MCTP1: variants seen among roughly 807,000 people sequenced by gnomAD.
The protein encoded by MCTP1 is multiple C2 and transmembrane domain-containing protein 1.
MCTP1 carries 69 observed loss-of-function variants against 120.6 expected under a neutral mutation model. The ratio of observed to expected loss-of-function variants is 0.57; its 90% CI spans 0.47 to 0.70. The LOEUF (loss-of-function observed/expected upper bound fraction) is 0.70, where lower values mean the gene tolerates loss of function less well. Among genes scored for constraint, MCTP1 ranks in the 30% least tolerant of loss-of-function variants. The probability of loss-of-function intolerance (pLI) is 0.00; values close to 1 mark genes in which losing one functional copy is unlikely to be tolerated. For missense variants in MCTP1, 1,203 were observed against 1,248.8 expected, an observed-to-expected ratio of 0.96 and a Z score of 0.55; for synonymous variants, 529 against 493.1, an observed-to-expected ratio of 1.07 and a Z score of -0.96.
intron 1 of MCTP1, among the ~76,000 whole-genome samples, chr5:95,264,553 C>T (rs1332533943): frequency 2.6e-5 from 4 of 152,204 alleles, no homozygotes; most frequent in African/African-American, 9.7e-5. Context: ...CACGCGGGCA[C>T]TGGAAATATC....
At chr5:95,100,716 A>C (rs1159176100) in intron 1 of MCTP1, among the ~76,000 whole-genome samples, 1 of 152,166 alleles carries the variant, frequency 6.6e-6, no homozygotes, top group Non-Finnish European at 1.5e-5. Context: ...GCACCCCTTA[A>C]CTAGTGATGT....
At chr5:94,816,840 T>C (rs563912016) in intron 17 of MCTP1, among the ~76,000 whole-genome samples, 28 of 152,304 alleles carry the variant, frequency 1.8e-4, no homozygotes, top group African/African-American at 6.5e-4. Flanking sequence ...ATATAAAGAT[T>C]ATTGAATATA....
chr5:95,035,594 G>A (rs1841141451), intron 1 of MCTP1, among the ~76,000 whole-genome samples: 1 of 151,836 alleles, frequency 6.6e-6, no homozygotes, highest in Admixed American at 6.6e-5. Flanking sequence ...GAGGAGTGAG[G>A]GCTGAAAAAC....
At chr5:95,055,558 G>GT (rs1396906358) in intron 1 of MCTP1, among the ~76,000 whole-genome samples, 2 of 152,174 alleles carry the variant, frequency 1.3e-5, no homozygotes, top group African/African-American at 4.8e-5. Flanking sequence ...CCAAGCCCAC[G>GT]TAATTAGTAA....
At chr5:95,146,990 G>A (rs1258358911) in intron 1 of MCTP1, among the ~76,000 whole-genome samples, 1 of 152,178 alleles carries the variant, frequency 6.6e-6, no homozygotes, top group Non-Finnish European at 1.5e-5. Context: ...TCCCCCACTA[G>A]TATTGTGTGG....
intron 1 of MCTP1, among the ~76,000 whole-genome samples, chr5:95,134,504 A>G (rs1759288418): frequency 6.6e-6 from 1 of 152,112 alleles, no homozygotes; most frequent in African/African-American, 2.4e-5. Flanking sequence ...TGATTCAGTC[A>G]CTCGTGCAGC....
intron 1 of MCTP1, among the ~76,000 whole-genome samples, chr5:95,172,877 A>T (rs992707089): frequency 7.2e-5 from 11 of 152,206 alleles, no homozygotes; most frequent in African/African-American, 2.7e-4. Context: ...CTGAGAGAAC[A>T]CAATAAACAC....
At chr5:94,740,905 TC>T (rs1309357049) in intron 19 of MCTP1, among the ~76,000 whole-genome samples, 1 of 152,154 alleles carries the variant, frequency 6.6e-6, no homozygotes, top group African/African-American at 2.4e-5. Flanking sequence ...AAAGAAGACT[TC>T]CTGGAGAAGG....
chr5:95,103,248 T>G (rs1312612787), intron 1 of MCTP1, among the ~76,000 whole-genome samples: 1 of 152,098 alleles, frequency 6.6e-6, no homozygotes, highest in East Asian at 1.9e-4. Context: ...AATATATACG[T>G]AAGCTTTGGA....
chr5:95,068,605 A>C (rs1386127068), intron 1 of MCTP1, among the ~76,000 whole-genome samples: 1 of 152,138 alleles, frequency 6.6e-6, no homozygotes, highest in Non-Finnish European at 1.5e-5. Context: ...CAAGGACCTG[A>C]TTGGCCGGGA....
chr5:95,247,025 CT>C (rs1236861110), intron 1 of MCTP1, among the ~76,000 whole-genome samples: 1 of 152,016 alleles, frequency 6.6e-6, no homozygotes, highest in Non-Finnish European at 1.5e-5. Flanking sequence ...TGGTCCTAGA[CT>C]TTTTTTGGTT....
Position 95,284,588 on chromosome 5 carries a change from GCTCCTCCTCTCCCCTC to G in MCTP1, c.-29_-14del, listed in dbSNP as rs1309766407. Reference sequence around the variant, plus strand: ...CCCGGGGCTCCATCCTCCACCCCCTGCTCCTCCTCTCCCCTCCTCCTCCTCCTCCTCCTCCTGCTTC... The same window carrying G: ...CCCGGGGCTCCATCCTCCACCCCCTGCTCCTCCTCCTCCTCCTCCTGCTTC... On this transcript the variant is annotated 5_prime_UTR_variant, in exon 1 of 23. Transcript: ENST00000515393. The surrounding 1 kb of genome is among the most constrained non-coding windows in gnomAD (Gnocchi z 5.2). The G allele has an allele frequency of 8.5e-6, 12 of 1,413,054 alleles. No individual in the cohort carries two copies. The highest frequency in any genetic ancestry group is 1.5e-5 in the African/African-American group (1 of 65,198). 87.5% of individuals were successfully genotyped at this position (1,413,054 alleles called of 1,614,324 possible).
At chr5:95,190,609 A>G (rs1263396365) in intron 1 of MCTP1, among the ~76,000 whole-genome samples, 7 of 152,054 alleles carry the variant, frequency 4.6e-5, no homozygotes, top group Admixed American at 1.3e-4. Context: ...CCAGGATTCC[A>G]TGTCATTTAC....
intron 18 of MCTP1, chr5:94,791,733 A>G (rs1477375656): frequency 2.0e-5 from 3 of 152,262 alleles, no homozygotes; most frequent in African/African-American, 7.2e-5. Flanking sequence ...GAAGGCATAG[A>G]AAGAGTATAT....
In MCTP1 at chr5:95,284,878, C is replaced by G. The variant is rs73142082; in HGVS notation, c.-303G>C. ...GGCCGCGGCGCCTGCAAAGTTTTTC[C>G]CTCGAAGCTCCGCGGCTCCAGTCCA... On this transcript the variant is annotated 5_prime_UTR_variant, in exon 1 of 23. Coordinates refer to ENST00000515393, the MANE Select transcript of MCTP1 (RefSeq NM_024717.7). This position sits in a 1 kb window ranked among gnomAD's most constrained non-coding sequence, Gnocchi z 5.2. Among the ~76,000 whole-genome samples, 9,518 of 152,148 alleles carry G rather than the reference C, an allele frequency of 0.063. 620 individuals carry two copies. Among genetic ancestry groups the G allele is most frequent in the African/African-American group, 0.16 (6,704 of 41,500 alleles).
At chr5:94,801,129 T>C (rs1053830375) in intron 17 of MCTP1, among the ~76,000 whole-genome samples, 2 of 152,158 alleles carry the variant, frequency 1.3e-5, no homozygotes, top group Admixed American at 6.5e-5. Context: ...ATATTCTTTA[T>C]ATATTTATTT....
intron 1 of MCTP1, among the ~76,000 whole-genome samples, chr5:95,036,052 T>A (rs989477327): frequency 6.6e-5 from 10 of 152,106 alleles, no homozygotes; most frequent in African/African-American, 2.2e-4. Flanking sequence ...TTTTGTGAGT[T>A]CCCAAACATA....
At chr5:95,108,042 G>A (rs1757214052) in intron 1 of MCTP1, among the ~76,000 whole-genome samples, 1 of 152,134 alleles carries the variant, frequency 6.6e-6, no homozygotes, top group South Asian at 2.1e-4. Context: ...TTCCAATAAT[G>A]TGGTTACATC....
intron 1 of MCTP1, among the ~76,000 whole-genome samples, chr5:95,117,390 CAAAAAAAAAAA>C (rs34952779): frequency 1.5e-5 from 1 of 66,108 alleles, no homozygotes; most frequent in African/African-American, 6.4e-5. Context: ...GACTCCGTCT[CAAAAAAAAAAA>C]AAAAAAAAAA....
Sources: gnomAD v4.1 joint callset for allele counts (sites outside exome capture counted in the v4.1 genomes callset) on GRCh38, gnomAD v4.1.1 for gene constraint, Gnocchi (gnomAD v3.1) non-coding constraint, MANE v1.5 for transcripts, NCBI Gene and HGNC (gene_info 2026-07-23, HGNC 2026-07-21) for gene names.